Variants in PRKG1 observed in about 807,000 individuals in gnomAD.
The protein encoded by PRKG1 is cGMP-dependent protein kinase 1.
PRKG1 carries 35 observed loss-of-function variants against 88.1 expected under a neutral mutation model. The observed-to-expected ratio is 0.40, with a 90% CI of 0.30 to 0.53. PRKG1 has a LOEUF of 0.53. PRKG1 is among the 20% of genes least tolerant of loss of function. The pLI, the probability that PRKG1 is intolerant of heterozygous loss-of-function variation, is 0.59. For synonymous variants in PRKG1, 303 were observed against 292.5 expected (o/e 1.04, Z -0.37); for missense variants, 540 against 839.8 (o/e 0.64, Z 4.41).
chr10:51,263,561 G>C (rs2132163570), intron 2 of PRKG1, among the ~76,000 whole-genome samples: 1 of 152,258 alleles, frequency 6.6e-6, no homozygotes, highest in Non-Finnish European at 1.5e-5. Flanking sequence ...TGGAAACACT[G>C]TAAACAAAAA....
intron 2 of PRKG1, among the ~76,000 whole-genome samples, chr10:51,296,299 C>T (rs1395270637): frequency 6.6e-6 from 1 of 152,090 alleles, no homozygotes; most frequent in African/African-American, 2.4e-5. Context: ...GAGAAGTCAT[C>T]TCATCCTGAG....
chr10:51,173,599 A>G (rs1407624247), intron 2 of PRKG1, among the ~76,000 whole-genome samples: 1 of 151,908 alleles, frequency 6.6e-6, no homozygotes, highest in Non-Finnish European at 1.5e-5. Context: ...ATTAGAAAAA[A>G]CTTTGAATAG....
Position 50,991,548 on chromosome 10 carries a change from G to T in PRKG1, c.170G>T (p.Arg57Leu). 6.2e-7 allele frequency: 1 copy of T among 1,609,208 alleles called. No homozygotes were observed. The highest frequency in any genetic ancestry group is 8.5e-7 in the Non-Finnish European group (1 of 1,178,334). The change falls in exon 1 of 18, where the codon CGG (arginine) becomes CTG (leucine). Residue 57 changes from arginine (R) to leucine (L), a missense_variant. Arg to Leu is a moderately radical substitution (Grantham distance 102). Coordinates refer to the PRKG1 transcript ENST00000401604. This position sits in a 1 kb window ranked among gnomAD's most constrained non-coding sequence, Gnocchi z 4.5. ...GTGCCCTCGACCCACATCGGCCCCC[G>T]GACCACCCGGGCGCAGGGCATCTCG...
At chr10:51,018,211 C>A (rs923286296) in intron 1 of PRKG1, among the ~76,000 whole-genome samples, 1 of 152,020 alleles carries the variant, frequency 6.6e-6, no homozygotes, top group Admixed American at 6.6e-5. Flanking sequence ...TCTTTATTTC[C>A]CCTTTATTGC....
chr10:51,243,062 G>A (rs919674614), intron 2 of PRKG1, among the ~76,000 whole-genome samples: 34 of 152,162 alleles, frequency 2.2e-4, no homozygotes, highest in African/African-American at 8.2e-4. Flanking sequence ...CTAATACATT[G>A]AGATGGACTT....
intron 2 of PRKG1, among the ~76,000 whole-genome samples, chr10:51,336,190 T>A (rs1409155077): frequency 6.6e-6 from 1 of 151,712 alleles, no homozygotes; most frequent in Non-Finnish European, 1.5e-5. Flanking sequence ...CCATCTCTAC[T>A]AAAAGTATAA....
chr10:51,375,632 A>G (rs568585153), intron 2 of PRKG1, among the ~76,000 whole-genome samples: 1 of 152,310 alleles, frequency 6.6e-6, no homozygotes, highest in East Asian at 1.9e-4. Context: ...GCCATATACT[A>G]TTCAAGGTGT....
At chr10:51,912,729 A>G (rs1424971834) in intron 5 of PRKG1, among the ~76,000 whole-genome samples, 1 of 152,146 alleles carries the variant, frequency 6.6e-6, no homozygotes, top group East Asian at 1.9e-4. Flanking sequence ...ATTAAAATAA[A>G]AAATAAAGGA....
At chr10:51,659,293 T>G (rs1840237443) in intron 3 of PRKG1, among the ~76,000 whole-genome samples, 1 of 152,070 alleles carries the variant, frequency 6.6e-6, no homozygotes, top group Non-Finnish European at 1.5e-5. Flanking sequence ...GACAGTTCGC[T>G]CAAATGTGCT....
intron 5 of PRKG1, among the ~76,000 whole-genome samples, chr10:52,038,881 G>T (rs894086321): frequency 2.0e-5 from 3 of 152,168 alleles, no homozygotes; most frequent in Admixed American, 1.3e-4. Context: ...ATTAAGAGAA[G>T]GGAGAGATTG....
intron 4 of PRKG1, among the ~76,000 whole-genome samples, chr10:51,810,734 A>G (rs1383051878): frequency 1.3e-5 from 2 of 152,162 alleles, no homozygotes; most frequent in Non-Finnish European, 2.9e-5. Flanking sequence ...TTGTTATTGA[A>G]ACTTTATACT....
At chr10:51,938,669 T>G (rs1212589430) in intron 5 of PRKG1, among the ~76,000 whole-genome samples, 1 of 151,958 alleles carries the variant, frequency 6.6e-6, no homozygotes, top group Non-Finnish European at 1.5e-5. Context: ...GCACATGTGA[T>G]GTCCTCCAAG....
At chr10:51,176,884 G>A (rs1240703657) in intron 2 of PRKG1, among the ~76,000 whole-genome samples, 1 of 152,106 alleles carries the variant, frequency 6.6e-6, no homozygotes, top group Non-Finnish European at 1.5e-5. Flanking sequence ...CTCCAGATAA[G>A]TCTATAAAAT....
chr10:51,642,288 G>C (rs1216456011), intron 3 of PRKG1, among the ~76,000 whole-genome samples: 1 of 152,154 alleles, frequency 6.6e-6, no homozygotes, highest in Non-Finnish European at 1.5e-5. Context: ...TACTCAGGGG[G>C]CTGAGGCAGG....
chr10:52,023,991 C>A (rs922954493), intron 5 of PRKG1, among the ~76,000 whole-genome samples: 1 of 152,120 alleles, frequency 6.6e-6, no homozygotes, highest in Non-Finnish European at 1.5e-5. Flanking sequence ...TTTGCCCATG[C>A]CTGTGTCCTG....
chr10:51,203,977 T>A (rs1425622327), intron 2 of PRKG1, among the ~76,000 whole-genome samples: 1 of 152,242 alleles, frequency 6.6e-6, no homozygotes, highest in Non-Finnish European at 1.5e-5. Context: ...TACTTCATTC[T>A]CCTTTGGCCT....
chr10:51,434,675 T>C (rs768956213), intron 2 of PRKG1, among the ~76,000 whole-genome samples: 19 of 152,114 alleles, frequency 1.2e-4, no homozygotes, highest in Non-Finnish European at 2.1e-4. Context: ...GGTATTTTCA[T>C]TTCTCTTTAT....
chr10:51,258,555 T>G (rs547277236), intron 2 of PRKG1, among the ~76,000 whole-genome samples: 5 of 152,342 alleles, frequency 3.3e-5, no homozygotes, highest in South Asian at 4.1e-4. Context: ...ATTGTCACTC[T>G]GCCTTTCAGC....
intron 1 of PRKG1, among the ~76,000 whole-genome samples, chr10:51,142,577 T>C (rs752223271): frequency 1.2e-4 from 19 of 152,044 alleles, no homozygotes; most frequent in Non-Finnish European, 2.2e-4. Flanking sequence ...TGAATGTGTT[T>C]CAAATAAAAG....
Sources: allele counts gnomAD v4.1 joint callset (sites outside exome capture counted in the v4.1 genomes callset), GRCh38; gene constraint gnomAD v4.1.1; non-coding constraint Gnocchi (gnomAD v3.1); transcripts MANE v1.5; gene names NCBI Gene and HGNC (gene_info 2026-07-23, HGNC 2026-07-21).